The following CAMTA1 variants were observed in gnomAD, a reference collection of about 807,000 sequenced individuals.
The protein encoded by CAMTA1 is calmodulin-binding transcription activator 1.
CAMTA1 carries 27 observed loss-of-function variants against 170.9 expected under a neutral mutation model. The ratio of observed to expected loss-of-function variants is 0.16; its 90% CI spans 0.12 to 0.22. The LOEUF (loss-of-function observed/expected upper bound fraction) is 0.22, where lower values mean the gene tolerates loss of function less well. CAMTA1 is among the 10% of genes least tolerant of loss of function. The pLI is 1.00. For missense variants in CAMTA1, 1,619 were observed against 2,217.2 expected (o/e 0.73, Z 5.42); for synonymous variants, 833 against 891.5 (o/e 0.93, Z 1.17).
intron 4 of CAMTA1, among the ~76,000 whole-genome samples, chr1:7,150,497 G>A (rs1283050984): frequency 1.3e-5 from 2 of 152,038 alleles, no homozygotes; most frequent in Non-Finnish European, 2.9e-5. Context: ...ATTCCAGGCT[G>A]GATAATTCTT....
chr1:6,837,121 T>G (rs1363064804), intron 3 of CAMTA1, among the ~76,000 whole-genome samples: 1 of 152,008 alleles, frequency 6.6e-6, no homozygotes, highest in Non-Finnish European at 1.5e-5. Context: ...ACCCGGCTAA[T>G]TTTTTTGTAT....
chr1:7,581,219 T>C (rs1020032471), intron 6 of CAMTA1, among the ~76,000 whole-genome samples: 1 of 152,238 alleles, frequency 6.6e-6, no homozygotes, highest in African/African-American at 2.4e-5. Context: ...ATAGGAAGTT[T>C]GGTTGTCATT....
chr1:7,511,279 A>AG (rs2094198431), intron 6 of CAMTA1, among the ~76,000 whole-genome samples: 1 of 145,510 alleles, frequency 6.9e-6, no homozygotes, highest in Non-Finnish European at 1.5e-5. Context: ...CACATCCTGG[A>AG]GGGACACCCT....
intron 11 of CAMTA1, among the ~76,000 whole-genome samples, chr1:7,706,884 TTC>T (rs1370209980): frequency 3.7e-5 from 3 of 80,812 alleles, no homozygotes; most frequent in African/African-American, 1.3e-4. Flanking sequence ...TTTCAGGCTA[TTC>T]TTTTTTTTTT....
At chr1:7,313,527 T>A (rs1229426023) in intron 5 of CAMTA1, among the ~76,000 whole-genome samples, 4 of 152,148 alleles carry the variant, frequency 2.6e-5, no homozygotes, top group Non-Finnish European at 5.9e-5. Flanking sequence ...GGTCGGCCCT[T>A]CTCCAGACAC....
intron 4 of CAMTA1, among the ~76,000 whole-genome samples, chr1:7,210,813 A>G (rs1328371681): frequency 2.0e-5 from 3 of 152,168 alleles, no homozygotes; most frequent in Admixed American, 1.3e-4. Flanking sequence ...AGTGAGTGAC[A>G]TTGACTAGAT....
At chr1:7,506,691 C>T (rs937656940) in intron 6 of CAMTA1, among the ~76,000 whole-genome samples, 8 of 151,390 alleles carry the variant, frequency 5.3e-5, no homozygotes, top group African/African-American at 1.5e-4. Context: ...TGCTCACACT[C>T]GAAATGCACA....
intron 5 of CAMTA1, among the ~76,000 whole-genome samples, chr1:7,363,482 G>A (rs1202969386): frequency 1.3e-5 from 2 of 152,042 alleles, no homozygotes; most frequent in South Asian, 2.1e-4. Flanking sequence ...TCTGTCAGCC[G>A]AACTTCACTT....
chr1:7,146,579 G>A lies in CAMTA1; in HGVS notation c.302+55208G>A, dbSNP rs939717718. ...TCCTTGACCCCGGCCACGTCCTGCC[G>A]GCTCCTCCTCCTTGAACACCAACCA... On this transcript the variant is annotated intron_variant, in intron 4 of 22. Coordinates refer to ENST00000303635, the MANE Select transcript of CAMTA1 (RefSeq NM_015215.4). The surrounding 1 kb of genome is among the most constrained non-coding windows in gnomAD (Gnocchi z 4.3). Among the ~76,000 whole-genome samples the A allele has an allele frequency of 2.6e-5, 4 of 151,822 alleles. No individual in the cohort carries two copies. Among genetic ancestry groups the A allele is most frequent in the South Asian group, 2.1e-4 (1 of 4,818 alleles).
At chr1:6,834,115 C>A (rs1651763706) in intron 3 of CAMTA1, among the ~76,000 whole-genome samples, 1 of 148,372 alleles carries the variant, frequency 6.7e-6, no homozygotes, top group South Asian at 2.1e-4. Flanking sequence ...TTGGACTTTC[C>A]AGGGAGGCTT....
chr1:7,302,073 C>T (rs549651570), intron 5 of CAMTA1, among the ~76,000 whole-genome samples: 2 of 151,702 alleles, frequency 1.3e-5, no homozygotes, highest in South Asian at 4.2e-4. Context: ...TTTTAGGACT[C>T]ACTTTTGGAA....
At chr1:7,205,755 AT>A (rs1313978117) in intron 4 of CAMTA1, among the ~76,000 whole-genome samples, 1 of 152,078 alleles carries the variant, frequency 6.6e-6, no homozygotes, top group Non-Finnish European at 1.5e-5. Context: ...CTGTGTGTGT[AT>A]TTTTGAGTCA....
In CAMTA1 at chr1:7,471,183, G is replaced by GTCTTTCAGGCTCTCTGTCTC. The variant is rs2093323964; in HGVS notation, c.510+3286_510+3305dup. Among the ~76,000 whole-genome samples, 8 of 152,330 alleles carry GTCTTTCAGGCTCTCTGTCTC rather than the reference G, an allele frequency of 5.3e-5. No individual in the cohort carries two copies. In the South Asian group the frequency reaches 1.7e-3, roughly 32 times the overall value. On this transcript the variant is annotated intron_variant, in intron 6 of 22. Coordinates refer to ENST00000303635, the MANE Select transcript of CAMTA1 (RefSeq NM_015215.4). Reference sequence around the variant, plus strand: ...CCTCTCTGTCTGTGTCTGTCTGTCTGTCTTTCAGGCTCTCTGTCTCTCTCT... The same window carrying GTCTTTCAGGCTCTCTGTCTC: ...CCTCTCTGTCTGTGTCTGTCTGTCTGTCTTTCAGGCTCTCTGTCTCTCTTTCAGGCTCTCTGTCTCTCTCT...
chr1:7,752,656 C>A, intron 21 of CAMTA1, 123 bp downstream of exon 21: 1 of 716,938 alleles, frequency 1.4e-6, no homozygotes, highest in Admixed American at 3.3e-5. Context: ...GCAGACGTCC[C>A]AAATTACAAT....
At chr1:7,590,383 C>A (rs1029269100) in intron 6 of CAMTA1, among the ~76,000 whole-genome samples, 1 of 152,180 alleles carries the variant, frequency 6.6e-6, no homozygotes, top group Admixed American at 6.5e-5. Context: ...CTGGTGGGGG[C>A]AGTTTGGATG....
intron 3 of CAMTA1, among the ~76,000 whole-genome samples, chr1:6,938,918 C>T (rs1685933957): frequency 6.6e-6 from 1 of 152,210 alleles, no homozygotes; most frequent in Admixed American, 6.5e-5. Context: ...CCTGCGGCCC[C>T]ACTGTTTACA....
chr1:7,186,370 A>G (rs1048900388), intron 4 of CAMTA1, among the ~76,000 whole-genome samples: 1 of 152,250 alleles, frequency 6.6e-6, no homozygotes, highest in Admixed American at 6.5e-5. Context: ...ATGAGATAAT[A>G]CCTACAGGTG....
At chr1:7,108,445 C>T (rs1326653215) in intron 4 of CAMTA1, among the ~76,000 whole-genome samples, 10 of 152,154 alleles carry the variant, frequency 6.6e-5, no homozygotes, top group African/African-American at 9.7e-5. Context: ...GGGCTCTGTA[C>T]GCACACAGCC....
intron 4 of CAMTA1, among the ~76,000 whole-genome samples, chr1:7,142,933 G>C (rs886873988): frequency 5.9e-5 from 9 of 152,186 alleles, no homozygotes; most frequent in African/African-American, 1.7e-4. Flanking sequence ...GTGCTTTTGG[G>C]CCACACACAT....
Sources: gnomAD v4.1 joint callset for allele counts (sites outside exome capture counted in the v4.1 genomes callset) on GRCh38, gnomAD v4.1.1 for gene constraint, Gnocchi (gnomAD v3.1) non-coding constraint, MANE v1.5 for transcripts, NCBI Gene and HGNC (gene_info 2026-07-23, HGNC 2026-07-21) for gene names.